The following SLC22A2 variants were observed in gnomAD, a reference collection of about 807,000 sequenced individuals.
The protein encoded by SLC22A2 is organic cation transporter 2.
In SLC22A2, 46 loss-of-function variants were observed where a neutral mutation model predicts 60.5. The ratio of observed to expected loss-of-function variants is 0.76; its 90% CI spans 0.60 to 0.97. The LOEUF is 0.97. Ranked by LOEUF, SLC22A2 falls within the 50% of genes least tolerant of loss-of-function variation. The probability of loss-of-function intolerance (pLI) is 0.00; values close to 1 mark genes in which losing one functional copy is unlikely to be tolerated. For missense variants in SLC22A2, 701 were observed against 706.6 expected (o/e 0.99, Z 0.09); for synonymous variants, 303 against 267.0 (o/e 1.13, Z -1.31).
intron 3 of SLC22A2, 117 bp downstream of exon 3, chr6:160,250,431 A>G (rs1783163150): frequency 2.2e-6 from 2 of 922,134 alleles, no homozygotes; most frequent in Non-Finnish European, 3.5e-6. Context: ...GAAATAAAAA[A>G]ATCTCTCAAT....
At chr6:160,256,842 A>G (rs1387240079) in intron 1 of SLC22A2, 125 bp from the exon 2 acceptor site, 1 of 636,722 alleles carries the variant, frequency 1.6e-6, no homozygotes. Context: ...TGTATAGTTA[A>G]GTGGCAATAA....
Position 160,243,762 on chromosome 6 carries a change from C to T in SLC22A2, c.1089G>A (p.Gln363=), listed in dbSNP as rs765381037. ...CAAGGCCCATGTGCATGATGAGGCC[C>T]TGGTAGAGCACAGAGCTCGTGAACC... is the stretch of plus-strand genomic sequence containing the variant. The part of the protein sequence containing the change: ...YNWFTSSVLY[Q]GLIMHMGLAG... The change falls in exon 7 of 11, where the codon CAG becomes CAA. Residue 363 remains glutamine (Q), a synonymous_variant. Transcript: ENST00000366953. 2 of 1,613,766 alleles carry T rather than the reference C, an allele frequency of 1.2e-6. No homozygotes were observed. The highest frequency in any genetic ancestry group is 2.2e-5 in the South Asian group (2 of 91,052).
intron 2 of SLC22A2, among the ~76,000 whole-genome samples, chr6:160,251,204 G>A (rs191193719): frequency 2.0e-5 from 3 of 152,234 alleles, no homozygotes; most frequent in Admixed American, 2.0e-4. Flanking sequence ...TGTCTTTGGT[G>A]CCACACATGT....
intron 10 of SLC22A2, among the ~76,000 whole-genome samples, chr6:160,222,988 A>G (rs1043900617): frequency 6.6e-6 from 1 of 152,220 alleles, no homozygotes; most frequent in African/African-American, 2.4e-5. Flanking sequence ...CTCGGATTCA[A>G]AGGCCTCTTC....
intron 9 of SLC22A2, among the ~76,000 whole-genome samples, chr6:160,225,989 C>T (rs932325872): frequency 2.0e-5 from 3 of 152,176 alleles, no homozygotes; most frequent in African/African-American, 4.8e-5. Context: ...GACTAGGTTG[C>T]CTTTGTAGGA....
intron 2 of SLC22A2, among the ~76,000 whole-genome samples, chr6:160,256,123 T>C (rs904276491): frequency 2.6e-5 from 4 of 152,104 alleles, no homozygotes; most frequent in African/African-American, 9.7e-5. Flanking sequence ...TGGTCATATA[T>C]GGCCCCAGGA....
chr6:160,230,620 C>G (rs910053476), intron 9 of SLC22A2, among the ~76,000 whole-genome samples: 20 of 152,096 alleles, frequency 1.3e-4, no homozygotes, highest in African/African-American at 4.6e-4. Context: ...TAGAGGCAGC[C>G]AAGTAGCAAT....
At chr6:160,256,114 G>A (rs1583402537) in intron 2 of SLC22A2, among the ~76,000 whole-genome samples, 1 of 152,110 alleles carries the variant, frequency 6.6e-6, no homozygotes, top group Non-Finnish European at 1.5e-5. Context: ...CCACATATAT[G>A]GTCATATATG....
chr6:160,250,239 G>A (rs1783160397), intron 3 of SLC22A2, among the ~76,000 whole-genome samples: 1 of 152,060 alleles, frequency 6.6e-6, no homozygotes, highest in Non-Finnish European at 1.5e-5. Flanking sequence ...TTTATGAATA[G>A]GTCTGGTAGG....
chr6:160,256,456 C>T (rs546717832), intron 2 of SLC22A2, among the ~76,000 whole-genome samples, 158 bp downstream of exon 2: 1 of 152,112 alleles, frequency 6.6e-6, no homozygotes, highest in Non-Finnish European at 1.5e-5. Flanking sequence ...ATCCAAGCAG[C>T]AGAAGAAATT....
At chr6:160,220,823 G>A (rs190182736) in intron 10 of SLC22A2, among the ~76,000 whole-genome samples, 1 of 152,156 alleles carries the variant, frequency 6.6e-6, no homozygotes, top group Admixed American at 6.5e-5. Flanking sequence ...TCTAAACGGC[G>A]GGCTTAAAAT....
chr6:160,232,621 A>C (rs1414369105), intron 9 of SLC22A2, among the ~76,000 whole-genome samples: 1 of 151,822 alleles, frequency 6.6e-6, no homozygotes, highest in African/African-American at 2.4e-5. Flanking sequence ...AGGAAGCTGG[A>C]GTCATTCACT....
chr6:160,256,844 TG>T lies in SLC22A2; in HGVS notation c.415-128del, dbSNP rs1783280795. The T allele has an allele frequency of 4.7e-6, 3 of 635,878 alleles. No homozygotes were observed. The East Asian group carries it at 8.0e-5, about 17-fold the overall frequency. 39.4% of individuals were successfully genotyped at this position (635,878 alleles called of 1,614,324 possible). ...CCTTGAATTGAACTGTATAGTTAAG[TG>T]GCAATAAGCCATTGTTTCTTGATCA... On this transcript the variant is annotated intron_variant, in intron 1 of 10. Coordinates refer to ENST00000366953, the MANE Select transcript of SLC22A2 (RefSeq NM_003058.4).
chr6:160,253,928 G>A (rs1354264326), intron 2 of SLC22A2, among the ~76,000 whole-genome samples: 1 of 152,084 alleles, frequency 6.6e-6, no homozygotes, highest in Non-Finnish European at 1.5e-5. Flanking sequence ...CTACAAACTG[G>A]GGCTTTCCCT....
chr6:160,254,076 G>A (rs1446418182), intron 2 of SLC22A2, among the ~76,000 whole-genome samples: 2 of 152,086 alleles, frequency 1.3e-5, no homozygotes, highest in East Asian at 1.9e-4. Context: ...TCAGTAGTTC[G>A]AGATCAACCT....
At chr6:160,247,338 C>T in intron 4 of SLC22A2, 40 bp from the exon 5 acceptor site, 1 of 999,122 alleles carries the variant, frequency 1.0e-6, no homozygotes, top group Non-Finnish European at 1.6e-6. Flanking sequence ...CTTACTGAAT[C>T]CTCCTTACCC....
intron 9 of SLC22A2, among the ~76,000 whole-genome samples, chr6:160,231,395 G>A (rs1346644089): frequency 1.3e-5 from 2 of 151,474 alleles, no homozygotes; most frequent in East Asian, 3.9e-4. Context: ...CCACAAATAT[G>A]GAATACCTCT....
intron 9 of SLC22A2, among the ~76,000 whole-genome samples, chr6:160,229,572 A>G (rs1782784085): frequency 6.6e-6 from 1 of 151,048 alleles, no homozygotes; most frequent in Non-Finnish European, 1.5e-5. Flanking sequence ...CCTTCTCTCC[A>G]TGTACCCACC....
chr6:160,248,698 G>T (rs1783135679), intron 4 of SLC22A2, among the ~76,000 whole-genome samples: 1 of 152,108 alleles, frequency 6.6e-6, no homozygotes, highest in African/African-American at 2.4e-5. Context: ...TATTTTACTT[G>T]CCTTGGTAAC....
Sources: allele counts gnomAD v4.1 joint callset (sites outside exome capture counted in the v4.1 genomes callset), GRCh38; gene constraint gnomAD v4.1.1; transcripts MANE v1.5; gene names NCBI Gene and HGNC (gene_info 2026-07-23, HGNC 2026-07-21).